Variants in ZMIZ1 observed in about 807,000 individuals in gnomAD.
The protein encoded by ZMIZ1 is zinc finger MIZ domain-containing protein 1.
Under a neutral mutation model 113.9 loss-of-function variants are expected in ZMIZ1, and 17 were observed. The ratio of observed to expected loss-of-function variants is 0.15; its 90% CI spans 0.10 to 0.22. The LOEUF is 0.22. ZMIZ1 is among the 10% of genes least tolerant of loss of function. The pLI, the probability that ZMIZ1 is intolerant of heterozygous loss-of-function variation, is 1.00. For synonymous variants in ZMIZ1, 607 were observed against 603.1 expected, an observed-to-expected ratio of 1.01 and a Z score of -0.09; for missense variants, 1,059 against 1,477.8, an observed-to-expected ratio of 0.72 and a Z score of 4.65.
At chr10:79,236,509 C>CA (rs1380135865) in intron 7 of ZMIZ1, among the ~76,000 whole-genome samples, 8 of 152,210 alleles carry the variant, frequency 5.3e-5, no homozygotes, top group African/African-American at 1.9e-4. Context: ...GCTGCCGTTG[C>CA]CGTCTCTTCC....
At chr10:79,234,117 C>T (rs969651712) in intron 7 of ZMIZ1, among the ~76,000 whole-genome samples, 2 of 152,144 alleles carry the variant, frequency 1.3e-5, no homozygotes, top group African/African-American at 2.4e-5. Flanking sequence ...AGCGAAAGAA[C>T]GTTTTAGACA....
At chr10:79,283,522 G>A (rs563744012) in intron 8 of ZMIZ1, among the ~76,000 whole-genome samples, 1 of 152,192 alleles carries the variant, frequency 6.6e-6, no homozygotes, top group African/African-American at 2.4e-5. Flanking sequence ...AGAAAGAAGG[G>A]GGCAATCAAA....
At chr10:79,090,388 G>C (rs1842949688) in intron 1 of ZMIZ1, among the ~76,000 whole-genome samples, 1 of 152,164 alleles carries the variant, frequency 6.6e-6, no homozygotes, top group Non-Finnish European at 1.5e-5. Context: ...CCCACAAGGA[G>C]ACCCCGTTTG....
chr10:79,087,753 T>TTCC, intron 1 of ZMIZ1, among the ~76,000 whole-genome samples: 2 of 152,366 alleles, frequency 1.3e-5, no homozygotes, highest in South Asian at 4.1e-4. Context: ...GCACGTTGTG[T>TTCC]TCCTCTCTGC....
intron 1 of ZMIZ1, among the ~76,000 whole-genome samples, chr10:79,106,527 C>T (rs1031829139): frequency 1.3e-5 from 2 of 152,336 alleles, no homozygotes; most frequent in South Asian, 2.1e-4. Context: ...CCCATTGCAT[C>T]GCCAGCACCC....
intron 7 of ZMIZ1, among the ~76,000 whole-genome samples, chr10:79,236,203 A>G (rs1849581411): frequency 1.3e-5 from 2 of 152,290 alleles, no homozygotes; most frequent in South Asian, 4.2e-4. Flanking sequence ...GTGGCCCCAA[A>G]TCTTTTCCCA....
chr10:79,310,880 C>T, intron 23 of ZMIZ1, 44 bp from the exon 24 acceptor site: 1 of 1,579,790 alleles, frequency 6.3e-7, no homozygotes, highest in Non-Finnish European at 8.6e-7. Context: ...CGCCGTGCCT[C>T]CTCACCTCAC....
In ZMIZ1 at chr10:79,240,638, C is replaced by CTTTTTTTTTTTTTTTTTTTTTTT. The variant is rs56903717; in HGVS notation, c.280+24369_280+24391dup. 3.4e-4 allele frequency among the ~76,000 whole-genome samples: 19 copies of CTTTTTTTTTTTTTTTTTTTTTTT among 55,322 alleles called. 1 individual carries two copies. In the East Asian group the frequency reaches 3.9e-3, roughly 11 times the overall value. 36.3% of individuals were successfully genotyped at this position (55,322 alleles called of 152,430 possible). On this transcript the variant is annotated intron_variant, in intron 7 of 24. Transcript: ENST00000334512. ...CGTAAATCTAGTGAAGAGTATTTAT[C>CTTTTTTTTTTTTTTTTTTTTTTT]TTTTTTTTTTTTTTTTTTTTTTTTT...
rs61528621 is a variant in ZMIZ1 at position 79,268,976 on chromosome 10, G to C, written c.281-8205G>C. On this transcript the variant is annotated intron_variant, in intron 7 of 24. Transcript: ENST00000334512. ...AGACTGCAAAGATCATCAGGATGTGGTGACCAGCGGGTGGGACAGGGAGGG... is the reference window on the plus strand; with the variant it reads ...AGACTGCAAAGATCATCAGGATGTGCTGACCAGCGGGTGGGACAGGGAGGG... Among the ~76,000 whole-genome samples, 333 of 152,290 alleles carry C rather than the reference G, an allele frequency of 2.2e-3. 4 individuals are homozygous for C. The highest frequency in any genetic ancestry group is 7.6e-3 in the African/African-American group (316 of 41,554).
intron 4 of ZMIZ1, among the ~76,000 whole-genome samples, chr10:79,165,442 G>A (rs991058342): frequency 2.6e-5 from 4 of 152,178 alleles, no homozygotes; most frequent in African/African-American, 4.8e-5. Flanking sequence ...GAGGGAGGAG[G>A]GTGTGTGGCT....
At chr10:79,202,356 C>T (rs58273541) in intron 5 of ZMIZ1, among the ~76,000 whole-genome samples, 27,502 of 151,672 alleles carry the variant, frequency 0.18, 2,698 homozygotes, top group East Asian at 0.31. Flanking sequence ...GTAATCTCAG[C>T]GCTTTGGGAG....
At chr10:79,199,009 G>A (rs972930980) in intron 4 of ZMIZ1, among the ~76,000 whole-genome samples, 1 of 151,290 alleles carries the variant, frequency 6.6e-6, no homozygotes, top group Non-Finnish European at 1.5e-5. Context: ...ACTCCGCCTG[G>A]GCAACAGAGC....
intron 4 of ZMIZ1, among the ~76,000 whole-genome samples, chr10:79,195,491 G>A (rs3889807): frequency 0.19 from 29,522 of 152,104 alleles, 3,229 homozygotes; most frequent in South Asian, 0.31. Flanking sequence ...GCGGGAGCCC[G>A]GCCTCTCCGG....
At chr10:79,111,079 T>C (rs1047376059) in intron 1 of ZMIZ1, among the ~76,000 whole-genome samples, 3 of 152,208 alleles carry the variant, frequency 2.0e-5, no homozygotes, top group Non-Finnish European at 4.4e-5. Flanking sequence ...GGGGCCCCTG[T>C]GCATAGAGCC....
chr10:79,267,153 C>T (rs1851656555), intron 7 of ZMIZ1, among the ~76,000 whole-genome samples: 1 of 152,166 alleles, frequency 6.6e-6, no homozygotes, highest in Non-Finnish European at 1.5e-5. Flanking sequence ...GAGTGCCTGT[C>T]GGGGTGGCCC....
At chr10:79,179,921 C>T (rs1343514013) in intron 4 of ZMIZ1, among the ~76,000 whole-genome samples, 2 of 152,146 alleles carry the variant, frequency 1.3e-5, no homozygotes, top group Non-Finnish European at 1.5e-5. Context: ...ATGCCACCAC[C>T]CTCTCTCAGA....
chr10:79,226,166 A>T (rs1385844168), intron 7 of ZMIZ1, among the ~76,000 whole-genome samples: 1 of 151,770 alleles, frequency 6.6e-6, no homozygotes, highest in Non-Finnish European at 1.5e-5. Flanking sequence ...TACATGTCCA[A>T]CCCTATGACT....
intron 7 of ZMIZ1, among the ~76,000 whole-genome samples, chr10:79,223,794 C>A (rs1470805514): frequency 6.6e-6 from 1 of 152,174 alleles, no homozygotes; most frequent in Admixed American, 6.5e-5. Flanking sequence ...TGGTGGGTGG[C>A]CTGGCCTGGG....
rs541530396 is a variant in ZMIZ1 at position 79,303,725 on chromosome 10, G to A, written c.2126-290G>A. Among the ~76,000 whole-genome samples the A allele has an allele frequency of 1.8e-4, 28 of 152,326 alleles. No homozygotes were observed. In the South Asian group the frequency reaches 5.2e-3, roughly 28 times the overall value. On this transcript the variant is annotated intron_variant, in intron 18 of 24. Transcript: ENST00000334512. The stretch of plus-strand genomic sequence containing the variant: ...GACTTTCCATGAGCTTTGCAGACAT[G>A]CCCCTTCCTCGCGAAGGCAGGGCCT...
Sources: allele counts gnomAD v4.1 joint callset (sites outside exome capture counted in the v4.1 genomes callset), GRCh38; gene constraint gnomAD v4.1.1; transcripts MANE v1.5; gene names NCBI Gene and HGNC (gene_info 2026-07-23, HGNC 2026-07-21).